Variants in ABCD3 observed in about 807,000 individuals in gnomAD.
ABCD3 encodes the protein ATP-binding cassette sub-family D member 3.
In ABCD3, 41 loss-of-function variants were observed where a neutral mutation model predicts 105.5. The ratio of observed to expected loss-of-function variants is 0.39; its 90% CI spans 0.30 to 0.50. The LOEUF is 0.50. Among genes scored for constraint, ABCD3 ranks in the 20% least tolerant of loss-of-function variants. The probability of loss-of-function intolerance (pLI) is 0.84; values close to 1 mark genes in which losing one functional copy is unlikely to be tolerated. For synonymous variants in ABCD3, 258 were observed against 269.0 expected, an observed-to-expected ratio of 0.96 and a Z score of 0.40; for missense variants, 622 against 806.3, an observed-to-expected ratio of 0.77 and a Z score of 2.77.
Position 94,518,290 on chromosome 1 carries a change from G to A in ABCD3, c.*1161G>A, listed in dbSNP as rs2101079324. 1 of 152,232 alleles carries A rather than the reference G, an allele frequency of 6.6e-6. No individual in the cohort carries two copies. The highest frequency in any genetic ancestry group is 1.9e-4 in the East Asian group (1 of 5,166). The allele number at this position is 152,232 out of a possible 1,614,324, so 9.4% of individuals were successfully genotyped here. ...GAAACTGAGTATAATCAATAAGCTA[G>A]ATACGAAATCAGTTTCTCAAACTGA... On this transcript the variant is annotated 3_prime_UTR_variant, in exon 23 of 23. Coordinates refer to ENST00000370214, the MANE Select transcript of ABCD3 (RefSeq NM_002858.4).
intron 21 of ABCD3, among the ~76,000 whole-genome samples, chr1:94,509,388 C>T (rs1405957186): frequency 2.0e-5 from 3 of 152,104 alleles, no homozygotes; most frequent in African/African-American, 4.8e-5. Context: ...ATTCGGTTTG[C>T]GAGTATTTTA....
At chr1:94,442,090 G>A (rs1287191358) in intron 1 of ABCD3, among the ~76,000 whole-genome samples, 1 of 152,150 alleles carries the variant, frequency 6.6e-6, no homozygotes, top group Admixed American at 6.5e-5. Context: ...ATGCATGTGT[G>A]TGTATATATA....
chr1:94,423,758 G>T (rs1051772660), intron 1 of ABCD3, among the ~76,000 whole-genome samples: 1 of 151,918 alleles, frequency 6.6e-6, no homozygotes, highest in Non-Finnish European at 1.5e-5. Context: ...GTTGCCTGCT[G>T]CTGGGCCTTT....
intron 1 of ABCD3, chr1:94,418,960 T>A (rs1014200669): frequency 5.4e-5 from 16 of 293,594 alleles, no homozygotes; most frequent in African/African-American, 3.6e-4. Flanking sequence ...GGGTGTGTTC[T>A]GGTTTTGCCA....
intron 1 of ABCD3, among the ~76,000 whole-genome samples, chr1:94,426,577 C>G (rs1480574664): frequency 6.6e-6 from 1 of 150,944 alleles, no homozygotes; most frequent in Non-Finnish European, 1.5e-5. Flanking sequence ...GAGTCCTGCT[C>G]TGTCACCCAG....
At chr1:94,388,822 A>G in the ABCD3 span, among the ~76,000 whole-genome samples, 1 of 152,170 alleles carries the variant, frequency 6.6e-6, no homozygotes, top group Non-Finnish European at 1.5e-5. Flanking sequence ...GGAGTAAAAT[A>G]GGGAAGGAAA....
intron 21 of ABCD3, among the ~76,000 whole-genome samples, chr1:94,511,424 AT>A (rs913234039): frequency 6.6e-6 from 1 of 151,478 alleles, no homozygotes; most frequent in Non-Finnish European, 1.5e-5. Context: ...TGCCCTTAAT[AT>A]TTTTTCCTTC....
At chr1:94,407,992 G>T in the ABCD3 span, among the ~76,000 whole-genome samples, 3 of 152,330 alleles carry the variant, frequency 2.0e-5, no homozygotes, top group South Asian at 6.2e-4. Flanking sequence ...CGGCAGAGCC[G>T]AATAGTGGTG....
chr1:94,462,588 TGAG>T (rs762982559), intron 2 of ABCD3, among the ~76,000 whole-genome samples: 19 of 152,218 alleles, frequency 1.2e-4, no homozygotes, highest in African/African-American at 2.4e-4. Flanking sequence ...CAGAAGAAAA[TGAG>T]GAGGAATTTT....
intron 1 of ABCD3, chr1:94,455,944 A>G: frequency 1.3e-6 from 1 of 743,592 alleles, no homozygotes; most frequent in Non-Finnish European, 1.8e-6. Flanking sequence ...TAATTTTTTT[A>G]TTTTTATGTT....
intron 1 of ABCD3, among the ~76,000 whole-genome samples, chr1:94,427,501 T>G (rs1161851490): frequency 6.6e-6 from 1 of 152,194 alleles, no homozygotes; most frequent in African/African-American, 2.4e-5. Context: ...AGTTGTAACT[T>G]TTTTCCTAGG....
Position 94,489,971 on chromosome 1 carries a change from A to G in ABCD3, c.1318A>G (p.Ile440Val). 2 of 1,612,776 alleles carry G rather than the reference A, an allele frequency of 1.2e-6. No individual in the cohort carries two copies. Among genetic ancestry groups the G allele is most frequent in the Non-Finnish European group, 1.7e-6 (2 of 1,178,946 alleles). Residue 440 changes from isoleucine to valine, a missense_variant, in exon 15 of 23, where the codon ATA becomes GTA. Around this residue, in one of 4 missense-constraint regions of ABCD3, gnomAD observed 285 missense variants for 352.5 expected, o/e 0.81. Transcript: ENST00000370214. ...AGEIIIADNI[I>V]KFDHVPLATP... ...AGAAATCATTATTGCAGATAACATTATAAAGTACGTACAGAAAAAGGTCTT... is the reference window on the plus strand; with the variant it reads ...AGAAATCATTATTGCAGATAACATTGTAAAGTACGTACAGAAAAAGGTCTT...
chr1:94,418,059 C>T (rs1043072397), upstream of ABCD3, among the ~76,000 whole-genome samples: 6 of 152,184 alleles, frequency 3.9e-5, no homozygotes, highest in Admixed American at 2.0e-4. Flanking sequence ...AGGCAGGGCC[C>T]ACTAGGTCGT....
At chr1:94,430,596 G>T (rs1056559639) in intron 1 of ABCD3, among the ~76,000 whole-genome samples, 1 of 152,164 alleles carries the variant, frequency 6.6e-6, no homozygotes, top group African/African-American at 2.4e-5. Flanking sequence ...CACGTAAGGT[G>T]TGACTTACTC....
upstream of ABCD3, among the ~76,000 whole-genome samples, chr1:94,416,590 C>T (rs537185697): frequency 6.6e-6 from 1 of 152,334 alleles, no homozygotes; most frequent in African/African-American, 2.4e-5. Flanking sequence ...CTCTGCCCTA[C>T]TCTGGCCCTC....
upstream of ABCD3, among the ~76,000 whole-genome samples, chr1:94,414,892 G>A (rs143511138): frequency 5.3e-5 from 8 of 152,222 alleles, no homozygotes; most frequent in African/African-American, 1.7e-4. Context: ...CAGTTTCTAC[G>A]AGTCAGGAAT....
chr1:94,508,712 C>G (rs1650495666), intron 21 of ABCD3, among the ~76,000 whole-genome samples: 1 of 151,604 alleles, frequency 6.6e-6, no homozygotes, highest in South Asian at 2.1e-4. Context: ...CTTCACATCC[C>G]TTGTAAGTTG....
chr1:94,468,865 T>TGTATGTAAATG (rs1648297007), intron 4 of ABCD3, among the ~76,000 whole-genome samples: 1 of 135,932 alleles, frequency 7.4e-6, no homozygotes, highest in Non-Finnish European at 1.6e-5. Flanking sequence ...CTCATTTCTC[T>TGTATGTAAATG]AGGACAGTAA....
intron 16 of ABCD3, among the ~76,000 whole-genome samples, chr1:94,496,128 G>A (rs891102953): frequency 1.3e-5 from 2 of 152,234 alleles, no homozygotes; most frequent in African/African-American, 4.8e-5. Context: ...ATTTCTAAGT[G>A]TATAATTTAG....
Sources: gnomAD v4.1 joint callset for allele counts (sites outside exome capture counted in the v4.1 genomes callset) on GRCh38, gnomAD v4.1.1 for gene constraint, gnomAD v4.1.1 regional missense constraint, MANE v1.5 for transcripts, NCBI Gene and HGNC (gene_info 2026-07-23, HGNC 2026-07-21) for gene names.